USP34: variants seen among roughly 807,000 people sequenced by gnomAD.
USP34 encodes the protein ubiquitin specific peptidase 34.
A neutral mutation model predicts 460.3 loss-of-function variants in USP34; 70 were observed. That is an observed-to-expected ratio of 0.15 (90% confidence interval 0.13 to 0.19). The LOEUF (loss-of-function observed/expected upper bound fraction) is 0.19. Ranked by LOEUF, USP34 falls within the 10% of genes least tolerant of loss-of-function variation. The probability of loss-of-function intolerance (pLI) is 1.00; values close to 1 mark genes in which losing one functional copy is unlikely to be tolerated. For missense variants in USP34, 3,985 were observed against 4,236.2 expected, an observed-to-expected ratio of 0.94 and a Z score of 1.65; for synonymous variants, 1,647 against 1,405.3, an observed-to-expected ratio of 1.17 and a Z score of -3.85.
At chr2:61,308,420 T>A (rs547841297) in intron 27 of USP34, among the ~76,000 whole-genome samples, 2 of 152,014 alleles carry the variant, frequency 1.3e-5, no homozygotes, top group East Asian at 3.9e-4. Flanking sequence ...GTTGAGAACA[T>A]CTCTCAGGAA....
chr2:61,255,973 G>A (rs1166971480), intron 48 of USP34, among the ~76,000 whole-genome samples: 2 of 152,092 alleles, frequency 1.3e-5, no homozygotes, highest in East Asian at 1.9e-4. Flanking sequence ...GTATATATAG[G>A]GTTCAGTACA....
intron 10 of USP34, among the ~76,000 whole-genome samples, chr2:61,356,504 C>T (rs954753635): frequency 6.7e-6 from 1 of 149,812 alleles, no homozygotes; most frequent in Non-Finnish European, 1.5e-5. Flanking sequence ...CACACATACA[C>T]ACACACACTG....
chr2:61,268,083 A>G (rs1689105564), intron 41 of USP34, among the ~76,000 whole-genome samples: 1 of 152,156 alleles, frequency 6.6e-6, no homozygotes, highest in Non-Finnish European at 1.5e-5. Flanking sequence ...CCTTTCACAG[A>G]AAGAACCTAC....
intron 15 of USP34, 26 bp from the exon 16 acceptor site, chr2:61,344,055 T>C: frequency 6.2e-7 from 1 of 1,602,090 alleles, no homozygotes; most frequent in Non-Finnish European, 8.5e-7. Context: ...AAGCACAAAG[T>C]TAGTAATTAC....
At chr2:61,356,108 T>C (rs1692093814) in intron 10 of USP34, among the ~76,000 whole-genome samples, 1 of 151,490 alleles carries the variant, frequency 6.6e-6, no homozygotes, top group African/African-American at 2.4e-5. Flanking sequence ...ACTCCCATGA[T>C]CACTACAGCG....
chr2:61,372,983 G>C (rs922419690), intron 8 of USP34, among the ~76,000 whole-genome samples: 1 of 152,052 alleles, frequency 6.6e-6, no homozygotes, highest in African/African-American at 2.4e-5. Flanking sequence ...ATTTAAAGGA[G>C]TAAGAGAAAA....
intron 29 of USP34, among the ~76,000 whole-genome samples, chr2:61,298,337 G>A (rs370887681): frequency 8.5e-6 from 1 of 117,522 alleles, no homozygotes; most frequent in African/African-American, 3.3e-5. Flanking sequence ...CTGGCTAACA[G>A]AGTGAAACCC....
At chr2:61,354,007 T>G (rs1384056437) in intron 10 of USP34, among the ~76,000 whole-genome samples, 2 of 152,152 alleles carry the variant, frequency 1.3e-5, no homozygotes, top group African/African-American at 4.8e-5. Context: ...ATGAATAGCC[T>G]AAGGGACCTG....
intron 41 of USP34, among the ~76,000 whole-genome samples, chr2:61,277,132 A>G (rs1429947901): frequency 6.6e-6 from 1 of 152,166 alleles, no homozygotes. Context: ...GTACCCAATA[A>G]TGACTACTTA....
chr2:61,386,642 T>C (rs977283313), intron 5 of USP34, among the ~76,000 whole-genome samples: 2 of 151,674 alleles, frequency 1.3e-5, no homozygotes, highest in African/African-American at 4.8e-5. Context: ...TACAAAAAAT[T>C]AGCTGGGCGT....
At chr2:61,308,906 G>A (rs1690498418) in intron 27 of USP34, among the ~76,000 whole-genome samples, 1 of 152,124 alleles carries the variant, frequency 6.6e-6, no homozygotes, top group Admixed American at 6.5e-5. Context: ...CCCAGGGATG[G>A]TGGCACCCAC....
chr2:61,212,854 G>A (rs1346266744), intron 68 of USP34, among the ~76,000 whole-genome samples: 1 of 152,000 alleles, frequency 6.6e-6, no homozygotes, highest in Non-Finnish European at 1.5e-5. Flanking sequence ...ATCACATCTA[G>A]TAACTAGATC....
chr2:61,302,924 G>A, intron 27 of USP34, among the ~76,000 whole-genome samples: 1 of 151,936 alleles, frequency 6.6e-6, no homozygotes, highest in East Asian at 1.9e-4. Context: ...AATTACATTG[G>A]AATTACTGAT....
At chr2:61,253,571 T>G (rs908728786) in intron 48 of USP34, among the ~76,000 whole-genome samples, 1 of 152,286 alleles carries the variant, frequency 6.6e-6, no homozygotes, top group African/African-American at 2.4e-5. Flanking sequence ...CCCTTTCAAA[T>G]AAATACTGAC....
chr2:61,378,787 C>T (rs758033636), intron 7 of USP34, among the ~76,000 whole-genome samples: 5 of 151,478 alleles, frequency 3.3e-5, no homozygotes, highest in African/African-American at 9.7e-5. Context: ...GCGCCTAAAA[C>T]GCGAGCTACT....
At chr2:61,391,605 A>T (rs905173299) in intron 5 of USP34, among the ~76,000 whole-genome samples, 1 of 152,196 alleles carries the variant, frequency 6.6e-6, no homozygotes, top group African/African-American at 2.4e-5. Flanking sequence ...GAGATTCCCA[A>T]ATAGAGACCT....
intron 1 of USP34, among the ~76,000 whole-genome samples, chr2:61,429,616 CA>C (rs894727090): frequency 2.0e-4 from 29 of 142,824 alleles, no homozygotes; most frequent in African/African-American, 1.8e-4. Context: ...AAGACTACCT[CA>C]AAAAAAAAAA....
chr2:61,192,200 G>A (rs1686665117), intron 76 of USP34, among the ~76,000 whole-genome samples: 1 of 152,204 alleles, frequency 6.6e-6, no homozygotes, highest in Non-Finnish European at 1.5e-5. Flanking sequence ...CTCTTCCAAT[G>A]GGGTAGAGCA....
intron 23 of USP34, among the ~76,000 whole-genome samples, chr2:61,316,213 C>G (rs1460792366): frequency 6.6e-6 from 1 of 150,742 alleles, no homozygotes; most frequent in Non-Finnish European, 1.5e-5. Context: ...AGGGTTAGGA[C>G]TAAAAAAACT....
Sources: allele counts gnomAD v4.1 joint callset (sites outside exome capture counted in the v4.1 genomes callset), GRCh38; gene constraint gnomAD v4.1.1; transcripts MANE v1.5; gene names NCBI Gene and HGNC (gene_info 2026-07-23, HGNC 2026-07-21).